ZDHHC24: variants seen among roughly 807,000 people sequenced by gnomAD.
The protein encoded by ZDHHC24 is zDHHC palmitoyltransferase 24.
ZDHHC24 carries 17 observed loss-of-function variants against 23.2 expected under a neutral mutation model. The observed-to-expected ratio is 0.73, with a 90% CI of 0.50 to 1.10. ZDHHC24 has a LOEUF of 1.10. ZDHHC24 is among the 50% of genes least tolerant of loss of function. The probability of loss-of-function intolerance (pLI) is 0.00; values close to 1 mark genes in which losing one functional copy is unlikely to be tolerated. For synonymous variants in ZDHHC24, 186 were observed against 194.5 expected (o/e 0.96, Z 0.36); for missense variants, 366 against 393.0 (o/e 0.93, Z 0.58).
rs374706769 is a variant in ZDHHC24, at chr11:66,529,918, C to A, written c.560-430G>T. On this transcript the variant is annotated intron_variant, in intron 2 of 4. Transcript: ENST00000526986. ...GAGTCCAGCCTGAGCCCCCTGTCCA[C>A]GACAGCCCGAGAGCCACTCAAGCTG... 7.5e-6 allele frequency: 12 copies of A among 1,605,562 alleles called. No individual in the cohort carries two copies. In the Admixed American group the frequency reaches 1.8e-4, roughly 25 times the overall value.
At chr11:66,528,436 A>G (rs1856613372) in intron 3 of ZDHHC24, among the ~76,000 whole-genome samples, 1 of 152,162 alleles carries the variant, frequency 6.6e-6, no homozygotes, top group Non-Finnish European at 1.5e-5. Context: ...GATTGGGGAA[A>G]ATAAGAATGA....
At chr11:66,544,689 C>T (rs963655884) in intron 1 of ZDHHC24, among the ~76,000 whole-genome samples, 1 of 152,124 alleles carries the variant, frequency 6.6e-6, no homozygotes, top group African/African-American at 2.4e-5. Context: ...CTTGACCACA[C>T]ATTTATGTAT....
Position 66,539,249 on chromosome 11 carries a change from G to A in ZDHHC24, c.*280C>T, listed in dbSNP as rs1384234196. The A allele has an allele frequency of 1.7e-6, 2 of 1,158,434 alleles. No individual in the cohort carries two copies. The highest frequency in any genetic ancestry group is 1.1e-6 in the Non-Finnish European group (1 of 941,500). The allele number at this position is 1,158,434 out of a possible 1,614,324, so 71.8% of individuals were successfully genotyped here. On this transcript the variant is annotated 3_prime_UTR_variant, in exon 3 of 3. Transcript: ENST00000310442. ...GAGGGGCCAGAAACTATGCAAAGATGGAGGGAGGCTGAGAAACAAGTCAGT... is the reference window on the plus strand; with the variant it reads ...GAGGGGCCAGAAACTATGCAAAGATAGAGGGAGGCTGAGAAACAAGTCAGT...
chr11:66,546,037 T>A lies in ZDHHC24; in HGVS notation c.-34A>T. The A allele has an allele frequency of 1.5e-6, 2 of 1,371,590 alleles. No individual in the cohort carries two copies. The highest frequency in any genetic ancestry group is 1.9e-6 in the Non-Finnish European group (2 of 1,070,614). 85.0% of individuals were successfully genotyped at this position (1,371,590 alleles called of 1,614,324 possible). A position where few individuals can be genotyped will look rare whatever the true frequency, so the allele number is the denominator to read the frequency against. On this transcript the variant is annotated 5_prime_UTR_variant, in exon 1 of 3. Transcript: ENST00000310442. ...CACCCAGCTGTCGGAGCCGGAGGAC[T>A]AGGCCGCTTCCGTATTGGGGCGGAG... is the stretch of plus-strand genomic sequence containing the variant.
chr11:66,523,044 G>A (rs1856310343), intron 4 of ZDHHC24: 1 of 415,948 alleles, frequency 2.4e-6, no homozygotes, highest in Non-Finnish European at 4.7e-6. Context: ...TGAGAGGCCA[G>A]TAAACTAAAA....
chr11:66,531,044 C>T (rs2134837630), downstream of ZDHHC24: 5 of 1,614,146 alleles, frequency 3.1e-6, no homozygotes, highest in East Asian at 2.2e-5. Flanking sequence ...GGATGCTCCT[C>T]ACTTAGATAT....
chr11:66,541,076 G>T (rs1281993108), intron 2 of ZDHHC24, among the ~76,000 whole-genome samples: 1 of 152,110 alleles, frequency 6.6e-6, no homozygotes, highest in African/African-American at 2.4e-5. Flanking sequence ...CATCATGAAT[G>T]TACTAAAAGC....
intron 4 of ZDHHC24, chr11:66,523,359 C>T (rs1246212353): frequency 6.4e-7 from 1 of 1,559,366 alleles, no homozygotes. Context: ...GCCAGTGTTC[C>T]TCCCAGGTGA....
At chr11:66,530,819 G>A, downstream of ZDHHC24, 1 of 1,596,838 alleles carries the variant, frequency 6.3e-7, no homozygotes, top group Admixed American at 1.7e-5. Flanking sequence ...TTGGTGGAAG[G>A]CAGGCAGAGC....
intron 2 of ZDHHC24, 23 bp downstream of exon 2, chr11:66,543,681 C>T: frequency 6.4e-7 from 1 of 1,551,484 alleles, no homozygotes; most frequent in Non-Finnish European, 8.7e-7. Flanking sequence ...TGCCTCTGTG[C>T]AGAGGCCTCC....
rs772298266 is a variant in ZDHHC24, at chr11:66,538,395, C to T, written c.*1134G>A. 6.6e-6 allele frequency: 1 copy of T among 150,716 alleles called. No homozygotes were observed. Among genetic ancestry groups the T allele is most frequent in the African/African-American group, 2.4e-5 (1 of 40,912 alleles). The allele number at this position is 150,716 out of a possible 1,614,324, so 9.3% of individuals were successfully genotyped here. On this transcript the variant is annotated 3_prime_UTR_variant, in exon 3 of 3. Coordinates refer to ENST00000310442, the MANE Select transcript of ZDHHC24 (RefSeq NM_207340.3). ...CTGAGCAACAAGAGCAAAACTCCGTCTCAAAAAAGAAAAAAAAAAAAATCA... is the reference window on the plus strand; with the variant it reads ...CTGAGCAACAAGAGCAAAACTCCGTTTCAAAAAAGAAAAAAAAAAAAATCA...
At position 66,539,396 on chromosome 11, in the gene ZDHHC24, G is replaced by C; in HGVS notation, c.*133C>G. The C allele has an allele frequency of 7.3e-7, 1 of 1,374,528 alleles. No homozygotes were observed. The highest frequency in any genetic ancestry group is 9.4e-7 in the Non-Finnish European group (1 of 1,067,162). 85.1% of individuals were successfully genotyped at this position (1,374,528 alleles called of 1,614,324 possible). A position where few individuals can be genotyped will look rare whatever the true frequency, so the allele number is the denominator to read the frequency against. On this transcript the variant is annotated 3_prime_UTR_variant, in exon 3 of 3. Transcript: ENST00000310442. ...GGACACGTAGGAGTGTAGGCGGGCA[G>C]GGGCAAGGCCAAGGAAGGGGTGGAG...
rs182281589 is a variant in ZDHHC24, at chr11:66,540,294, C to T, written c.560-470G>A. 6.6e-3 allele frequency among the ~76,000 whole-genome samples: 1,011 copies of T among 152,076 alleles called. 16 individuals are homozygous for T. Among genetic ancestry groups the T allele is most frequent in the African/African-American group, 0.022 (909 of 41,460 alleles). On this transcript the variant is annotated intron_variant, in intron 2 of 2. Transcript: ENST00000310442. ...ATTAGCCAGACGTGGTGGCAGGCGC[C>T]TGTAATCCCAGCTACTCAGGAGGCT... is the stretch of plus-strand genomic sequence containing the variant.
intron 2 of ZDHHC24, among the ~76,000 whole-genome samples, chr11:66,541,976 G>A (rs1004031782): frequency 1.5e-4 from 23 of 151,802 alleles, no homozygotes; most frequent in African/African-American, 5.1e-4. Flanking sequence ...AACCAGGAGG[G>A]CAGAGAAGGC....
At chr11:66,527,070 ATT>A in intron 3 of ZDHHC24, 1 of 1,508,614 alleles carries the variant, frequency 6.6e-7, no homozygotes, top group Admixed American at 2.0e-5. Context: ...AAACGCAGGA[ATT>A]CTCATGAGGA....
downstream of ZDHHC24, chr11:66,532,137 G>A (rs534304555): frequency 2.6e-5 from 33 of 1,283,918 alleles, no homozygotes; most frequent in African/African-American, 1.6e-4. Flanking sequence ...GTGCTGGGGC[G>A]ACAGCTCGTC....
At position 66,536,126 on chromosome 11, in the gene ZDHHC24, AG is replaced by A. The variant is rs1332564468; in HGVS notation, c.*3402del. On this transcript the variant is annotated 3_prime_UTR_variant, in exon 3 of 3. Coordinates refer to ENST00000310442, the MANE Select transcript of ZDHHC24 (RefSeq NM_207340.3). ...AGCAAAGCAACGGAATGACTGAAAC[AG>A]GACAGTGTCTCCCCCACCAGGAAGG... is the stretch of plus-strand genomic sequence containing the variant. 1 of 152,378 alleles carries A rather than the reference AG, an allele frequency of 6.6e-6. No homozygotes were observed. The highest frequency in any genetic ancestry group is 1.5e-5 in the Non-Finnish European group (1 of 68,140). The allele number at this position is 152,378 out of a possible 1,614,324, so 9.4% of individuals were successfully genotyped here. A position where few individuals can be genotyped will look rare whatever the true frequency, so the allele number is the denominator to read the frequency against.
intron 3 of ZDHHC24, among the ~76,000 whole-genome samples, chr11:66,527,315 A>T (rs1011807150): frequency 6.6e-6 from 1 of 151,898 alleles, no homozygotes; most frequent in African/African-American, 2.4e-5. Context: ...TCGTTCGTTC[A>T]TTCATTCATT....
chr11:66,524,218 T>G, intron 4 of ZDHHC24: 1 of 371,616 alleles, frequency 2.7e-6, no homozygotes, highest in South Asian at 2.1e-5. Context: ...AGGCGGAGGT[T>G]GCAGTGAGCC....
Sources: allele counts gnomAD v4.1 joint callset (sites outside exome capture counted in the v4.1 genomes callset), GRCh38; gene constraint gnomAD v4.1.1; transcripts MANE v1.5; gene names NCBI Gene and HGNC (gene_info 2026-07-23, HGNC 2026-07-21).